The following CTR9 variants were observed in gnomAD, a reference collection of about 807,000 sequenced individuals.
CTR9 encodes the protein RNA polymerase-associated protein CTR9 homolog.
Under a neutral mutation model 152.1 loss-of-function variants are expected in CTR9, and 41 were observed. The observed-to-expected ratio is 0.27, with a 90% confidence interval of 0.21 to 0.35. CTR9 has a LOEUF of 0.35. Ranked by LOEUF, CTR9 falls within the 10% of genes least tolerant of loss-of-function variation. CTR9 has a pLI of 1.00. For missense variants in CTR9, 917 were observed against 1,424.4 expected, an observed-to-expected ratio of 0.64 and a Z score of 5.73; for synonymous variants, 476 against 496.2, an observed-to-expected ratio of 0.96 and a Z score of 0.54.
At chr11:10,772,270 A>G (rs1352092551) in intron 19 of CTR9, among the ~76,000 whole-genome samples, 1 of 152,008 alleles carries the variant, frequency 6.6e-6, no homozygotes, top group African/African-American at 2.4e-5. Flanking sequence ...CAGGATAATC[A>G]CTTAAACCCG....
chr11:10,777,626 C>T (rs1015384783), intron 24 of CTR9, among the ~76,000 whole-genome samples: 3 of 152,116 alleles, frequency 2.0e-5, no homozygotes, highest in African/African-American at 7.2e-5. Flanking sequence ...GAGCTGCTGC[C>T]AAATCTGTAC....
Sources: allele counts gnomAD v4.1 joint callset (sites outside exome capture counted in the v4.1 genomes callset), GRCh38; gene constraint gnomAD v4.1.1; transcripts MANE v1.5; gene names NCBI Gene and HGNC (gene_info 2026-07-23, HGNC 2026-07-21).